Variants in PCDHA10 observed in about 807,000 individuals in gnomAD.
PCDHA10 encodes protocadherin alpha 10, also known as protocadherin alpha-10.
PCDHA10 carries 45 observed loss-of-function variants against 61.2 expected under a neutral mutation model. The observed-to-expected ratio is 0.74, with a 90% confidence interval of 0.58 to 0.94. The LOEUF (loss-of-function observed/expected upper bound fraction) is 0.94. Among genes scored for constraint, PCDHA10 ranks in the 40% least tolerant of loss-of-function variants. The probability of loss-of-function intolerance (pLI) is 0.00; values close to 1 mark genes in which losing one functional copy is unlikely to be tolerated. For synonymous variants in PCDHA10, 602 were observed against 548.8 expected (o/e 1.10, Z -1.35); for missense variants, 1,278 against 1,236.2 (o/e 1.03, Z -0.51).
rs114871728 is a variant in PCDHA10, at chr5:140,922,694, C to T, written c.2389-56255C>T. The stretch of plus-strand genomic sequence containing the variant: ...GTAAAAAAGTGAACAGGCTCTGCTT[C>T]CATACAGTCAAGAACAAAAAGAAAC... On this transcript the variant is annotated intron_variant, in intron 1 of 3. Transcript: ENST00000307360. Among the ~76,000 whole-genome samples, 1,199 of 152,172 alleles carry T rather than the reference C, an allele frequency of 7.9e-3. 5 individuals carry two copies. The highest frequency in any genetic ancestry group is 0.018 in the African/African-American group (768 of 41,520).
intron 2 of PCDHA10, 176 bp downstream of exon 2, chr5:140,979,183 G>C (rs2096838721): frequency 1.1e-6 from 1 of 925,482 alleles, no homozygotes; most frequent in Admixed American, 6.2e-5. Context: ...CAAATGGTCA[G>C]TGCCAGATGC....
intron 3 of PCDHA10, among the ~76,000 whole-genome samples, chr5:140,996,316 A>C (rs2153939037): frequency 6.6e-6 from 1 of 152,250 alleles, no homozygotes; most frequent in African/African-American, 2.4e-5. Context: ...GTAAGGGGGG[A>C]GGGTAGAGAA....
intron 1 of PCDHA10, chr5:140,927,928 T>C: frequency 6.2e-7 from 1 of 1,614,214 alleles, no homozygotes; most frequent in Non-Finnish European, 8.5e-7. Context: ...CCTGACTCTT[T>C]CGAACCCAGT....
chr5:140,974,322 G>A (rs11743888), intron 1 of PCDHA10, among the ~76,000 whole-genome samples: 7,497 of 152,260 alleles, frequency 0.049, 207 homozygotes, highest in Middle Eastern at 0.068. Flanking sequence ...GAGAGTAGCT[G>A]CTGTGCTAGC....
rs773891459 is a variant in PCDHA10, at chr5:140,856,191, C to T, written c.143C>T (p.Ala48Val). The T allele has an allele frequency of 7.5e-6, 12 of 1,598,058 alleles. No homozygotes were observed. The South Asian group carries it at 1.2e-4, about 16-fold the overall frequency. Residue 48 changes from alanine to valine, a missense_variant, in exon 1 of 4, where the codon GCG becomes GTG. Physicochemically the swap from Ala to Val is moderately conservative, Grantham distance 64. Transcript: ENST00000307360. ...CACGGCACCTTCGTGGGCCGCATCG[C>T]GCAGGACCTGGGGCTGGAGCTGGCG... ...ARHGTFVGRIAQDLGLELAEL... is the reference protein window; with the variant it reads ...ARHGTFVGRIVQDLGLELAEL...
chr5:140,887,954 T>A (rs2061642378), intron 1 of PCDHA10, among the ~76,000 whole-genome samples: 1 of 152,240 alleles, frequency 6.6e-6, no homozygotes, highest in South Asian at 2.1e-4. Context: ...TGTATAAGAT[T>A]CTTTTTGTCT....
At chr5:140,971,372 A>G (rs1554233263) in intron 1 of PCDHA10, among the ~76,000 whole-genome samples, 1 of 152,214 alleles carries the variant, frequency 6.6e-6, no homozygotes, top group Non-Finnish European at 1.5e-5. Flanking sequence ...AGGAGAGTGC[A>G]TGACTTTAAT....
At chr5:141,008,582 G>A (rs1554261823) in intron 3 of PCDHA10, among the ~76,000 whole-genome samples, 1 of 152,130 alleles carries the variant, frequency 6.6e-6, no homozygotes. Context: ...CCAAGACTCA[G>A]GGCAGATTTC....
chr5:140,875,632 C>G, intron 1 of PCDHA10: 1 of 1,613,710 alleles, frequency 6.2e-7, no homozygotes, highest in Non-Finnish European at 8.5e-7. Flanking sequence ...GGACCTGGGG[C>G]TGGAGCTGGC....
At chr5:140,932,247 G>A (rs1463272112) in intron 1 of PCDHA10, among the ~76,000 whole-genome samples, 2 of 151,822 alleles carry the variant, frequency 1.3e-5, no homozygotes, top group Non-Finnish European at 3.0e-5. Context: ...ATCTAAGAGG[G>A]TACCTCTGAG....
chr5:140,876,867 G>A, intron 1 of PCDHA10: 1 of 1,614,152 alleles, frequency 6.2e-7, no homozygotes, highest in Non-Finnish European at 8.5e-7. Context: ...TGTTCGTGAA[G>A]GAGAACAACC....
At chr5:140,965,876 C>T (rs1416182822) in intron 1 of PCDHA10, among the ~76,000 whole-genome samples, 1 of 152,152 alleles carries the variant, frequency 6.6e-6, no homozygotes, top group African/African-American at 2.4e-5. Flanking sequence ...GCCACTTGGC[C>T]GAGAGCAGAA....
At chr5:140,941,319 CTTT>C (rs70988781) in intron 1 of PCDHA10, among the ~76,000 whole-genome samples, 1 of 104,392 alleles carries the variant, frequency 9.6e-6, no homozygotes. Flanking sequence ...TCTTCTTTCT[CTTT>C]TTTTTTTTTT....
chr5:140,956,132 C>T (rs782171826), intron 1 of PCDHA10, among the ~76,000 whole-genome samples: 1 of 152,028 alleles, frequency 6.6e-6, no homozygotes, highest in African/African-American at 2.4e-5. Context: ...ATTTGAATAC[C>T]CTTTATTTCT....
At chr5:140,912,125 T>C (rs1197015933) in intron 1 of PCDHA10, among the ~76,000 whole-genome samples, 1 of 152,160 alleles carries the variant, frequency 6.6e-6, no homozygotes, top group East Asian at 1.9e-4. Flanking sequence ...GCTAAGTCAG[T>C]CTAATCTCTC....
chr5:140,907,690 G>C (rs761914004), intron 1 of PCDHA10, among the ~76,000 whole-genome samples: 1 of 152,196 alleles, frequency 6.6e-6, no homozygotes, highest in African/African-American at 2.4e-5. Context: ...TTGGTGAGTG[G>C]AAGTCCCTGT....
intron 1 of PCDHA10, chr5:140,883,623 C>A: frequency 6.2e-7 from 1 of 1,613,988 alleles, no homozygotes; most frequent in Non-Finnish European, 8.5e-7. Context: ...AACGACAACG[C>A]GCCGGCGTTC....
intron 3 of PCDHA10, among the ~76,000 whole-genome samples, chr5:141,004,378 G>C (rs914260481): frequency 6.6e-6 from 1 of 152,316 alleles, no homozygotes; most frequent in South Asian, 2.1e-4. Context: ...TCTGCTCTGC[G>C]GAAGCTGGAC....
intron 1 of PCDHA10, among the ~76,000 whole-genome samples, chr5:140,937,364 T>C (rs1471697724): frequency 6.6e-6 from 1 of 152,150 alleles, no homozygotes; most frequent in African/African-American, 2.4e-5. Flanking sequence ...TATTTTATCT[T>C]AATGTTTATG....
Sources: gnomAD v4.1 joint callset for allele counts (sites outside exome capture counted in the v4.1 genomes callset) on GRCh38, gnomAD v4.1.1 for gene constraint, MANE v1.5 for transcripts, NCBI Gene and HGNC (gene_info 2026-07-23, HGNC 2026-07-21) for gene names.